The following ATXN1 variants were observed in gnomAD, a reference collection of about 807,000 sequenced individuals.
ATXN1 encodes ataxin-1.
Under a neutral mutation model 56.4 loss-of-function variants are expected in ATXN1, and 8 were observed. The ratio of observed to expected loss-of-function variants is 0.14; its 90% CI spans 0.08 to 0.26. The LOEUF (loss-of-function observed/expected upper bound fraction) is 0.26. Ranked by LOEUF, ATXN1 falls within the 10% of genes least tolerant of loss-of-function variation. The probability of loss-of-function intolerance (pLI) is 1.00; values close to 1 mark genes in which losing one functional copy is unlikely to be tolerated. For synonymous variants in ATXN1, 514 were observed against 494.6 expected, an observed-to-expected ratio of 1.04 and a Z score of -0.52; for missense variants, 987 against 1,106.5, an observed-to-expected ratio of 0.89 and a Z score of 1.53.
At chr6:16,430,256 C>T (rs1460348791) in intron 6 of ATXN1, among the ~76,000 whole-genome samples, 1 of 151,448 alleles carries the variant, frequency 6.6e-6, no homozygotes, top group Non-Finnish European at 1.5e-5. Flanking sequence ...ATTTGGTCTT[C>T]CAGCAACTAT....
At chr6:16,443,856 C>T (rs1759573264) in intron 6 of ATXN1, among the ~76,000 whole-genome samples, 4 of 152,174 alleles carry the variant, frequency 2.6e-5, no homozygotes, top group African/African-American at 9.7e-5. Context: ...ATGGCTCATG[C>T]CTGTAATCCC....
At chr6:16,402,242 G>GTTT (rs58048762) in intron 6 of ATXN1, among the ~76,000 whole-genome samples, 3 of 62,116 alleles carry the variant, frequency 4.8e-5, no homozygotes, top group African/African-American at 6.7e-5. Context: ...ACCACTGACA[G>GTTT]TTTTTTTTTT....
intron 6 of ATXN1, among the ~76,000 whole-genome samples, chr6:16,408,729 T>G (rs997275621): frequency 6.6e-6 from 1 of 152,204 alleles, no homozygotes; most frequent in Non-Finnish European, 1.5e-5. Flanking sequence ...AACCCAAGTG[T>G]GTTTAATTCC....
intron 6 of ATXN1, among the ~76,000 whole-genome samples, chr6:16,394,306 C>A (rs904202945): frequency 6.6e-6 from 1 of 152,034 alleles, no homozygotes. Context: ...TCTCCACCGG[C>A]CATTTTTTCC....
chr6:16,622,936 A>G (rs1763343938), intron 3 of ATXN1, among the ~76,000 whole-genome samples: 1 of 152,192 alleles, frequency 6.6e-6, no homozygotes, highest in Non-Finnish European at 1.5e-5. Context: ...GAAATTTTAC[A>G]AAAATAATCA....
chr6:16,567,546 AC>A (rs1762251805), intron 4 of ATXN1, among the ~76,000 whole-genome samples: 1 of 152,096 alleles, frequency 6.6e-6, no homozygotes, highest in Admixed American at 6.5e-5. Context: ...TGACAATCTA[AC>A]TCTGACAAGC....
At chr6:16,585,362 C>T (rs539985566) in intron 4 of ATXN1, among the ~76,000 whole-genome samples, 15 of 152,130 alleles carry the variant, frequency 9.9e-5, no homozygotes, top group South Asian at 2.1e-4. Flanking sequence ...AATAACTATA[C>T]GGTAGAAAAA....
rs755691586 is a variant in ATXN1 at position 16,327,107 on chromosome 6, G to A, written c.1204C>T (p.His402Tyr). The part of the protein sequence containing the change: ...AADLEVQQAT[H>Y]REASPSTLND... ...AGGGTAGAAGGGGAGGCTTCACGAT[G>A]AGTGGCCTGTTGCACCTCCAGGTCA... is the stretch of plus-strand genomic sequence containing the variant. The change falls in exon 7 of 8, where the codon CAT becomes TAT. Residue 402 changes from histidine (H) to tyrosine (Y), a missense_variant. Physicochemically the swap from His to Tyr is moderately conservative, Grantham distance 83. This residue lies in a region of ATXN1 where 723 missense variants were observed against 791.7 expected (regional missense o/e 0.91). Transcript: ENST00000436367. 1.2e-6 allele frequency: 2 copies of A among 1,613,544 alleles called. No homozygotes were observed. Among genetic ancestry groups the A allele is most frequent in the Non-Finnish European group, 1.7e-6 (2 of 1,179,950 alleles).
intron 7 of ATXN1, among the ~76,000 whole-genome samples, chr6:16,323,451 G>C (rs1316675368): frequency 7.3e-6 from 1 of 136,114 alleles, no homozygotes; most frequent in African/African-American, 2.7e-5. Context: ...CCAAGAGGCA[G>C]ATGTTGCAGT....
At chr6:16,684,187 C>T (rs1394215077) in intron 2 of ATXN1, among the ~76,000 whole-genome samples, 1 of 152,196 alleles carries the variant, frequency 6.6e-6, no homozygotes, top group Non-Finnish European at 1.5e-5. Context: ...ACTTGCTTGA[C>T]AGGGGTCCTT....
At chr6:16,740,901 T>C (rs949779166) in intron 2 of ATXN1, among the ~76,000 whole-genome samples, 2 of 152,202 alleles carry the variant, frequency 1.3e-5, no homozygotes, top group East Asian at 3.8e-4. Context: ...ACCCAAGGGA[T>C]TGGACTCTTG....
intron 2 of ATXN1, among the ~76,000 whole-genome samples, chr6:16,682,913 T>C (rs2113403492): frequency 6.6e-6 from 1 of 152,344 alleles, no homozygotes; most frequent in East Asian, 1.9e-4. Flanking sequence ...ATTTATTTGT[T>C]GAGTTATATA....
At chr6:16,412,743 T>C (rs1352280960) in intron 6 of ATXN1, among the ~76,000 whole-genome samples, 1 of 152,148 alleles carries the variant, frequency 6.6e-6, no homozygotes, top group East Asian at 1.9e-4. Flanking sequence ...AAAAGGCCTT[T>C]ACATATAAAG....
In ATXN1 at chr6:16,302,944, C is replaced by T. The variant is rs1581675555; in HGVS notation, c.*3385G>A. 6.6e-6 allele frequency: 1 copy of T among 152,652 alleles called. No individual in the cohort carries two copies. Among genetic ancestry groups the T allele is most frequent in the South Asian group, 2.1e-4 (1 of 4,830 alleles). 9.5% of individuals were successfully genotyped at this position (152,652 alleles called of 1,614,324 possible). The stretch of plus-strand genomic sequence containing the variant: ...CTCTGGGAGCCTCGGGGCCCGCCAA[C>T]GTCTGCAAACAGGAGGCTCCTGCCC... On this transcript the variant is annotated 3_prime_UTR_variant, in exon 8 of 8. Transcript: ENST00000436367.
At chr6:16,470,204 T>G (rs937439676) in intron 6 of ATXN1, among the ~76,000 whole-genome samples, 34 of 152,298 alleles carry the variant, frequency 2.2e-4, no homozygotes, top group African/African-American at 7.7e-4. Context: ...AAGGACATTA[T>G]GCTCAGTGAA....
chr6:16,322,774 C>G (rs1237405162), intron 7 of ATXN1, among the ~76,000 whole-genome samples: 1 of 152,236 alleles, frequency 6.6e-6, no homozygotes, highest in Non-Finnish European at 1.5e-5. Context: ...TGAGTCTCCA[C>G]TGACTCTGAA....
chr6:16,739,873 T>A (rs771292172), intron 2 of ATXN1: 1 of 456,902 alleles, frequency 2.2e-6, no homozygotes, highest in African/African-American at 2.0e-5. Flanking sequence ...CCAACGAAGA[T>A]CTTGGGGCAA....
intron 3 of ATXN1, among the ~76,000 whole-genome samples, chr6:16,595,997 A>T (rs236933): frequency 0.68 from 103,769 of 151,946 alleles, 35,604 homozygotes; most frequent in Admixed American, 0.76. Flanking sequence ...CAGCCCCGTT[A>T]TTTTGTTTTT....
chr6:16,454,125 C>CAAAAAAAAAAAAAAAAAAAAAAAAAAAAA, intron 6 of ATXN1, among the ~76,000 whole-genome samples: 1 of 76,668 alleles, frequency 1.3e-5, no homozygotes, highest in Non-Finnish European at 2.3e-5. Context: ...GACTCTGTCT[C>CAAAAAAAAAAAAAAAAAAAAAAAAAAAAA]AAAAAAAAAA....
Sources: allele counts gnomAD v4.1 joint callset (sites outside exome capture counted in the v4.1 genomes callset), GRCh38; gene constraint gnomAD v4.1.1; regional missense constraint gnomAD v4.1.1; transcripts MANE v1.5; gene names NCBI Gene and HGNC (gene_info 2026-07-23, HGNC 2026-07-21).